MEF2A: variants seen among roughly 807,000 people sequenced by gnomAD.
MEF2A encodes the protein myocyte-specific enhancer factor 2A.
In MEF2A, 28 loss-of-function variants were observed where a neutral mutation model predicts 55.8. The ratio of observed to expected loss-of-function variants is 0.50; its 90% CI spans 0.37 to 0.69. MEF2A has a LOEUF of 0.69. MEF2A is among the 30% of genes least tolerant of loss of function. The probability of loss-of-function intolerance (pLI) is 0.00; values close to 1 mark genes in which losing one functional copy is unlikely to be tolerated. For missense variants in MEF2A, 528 were observed against 626.2 expected (o/e 0.84, Z 1.67); for synonymous variants, 239 against 227.1 (o/e 1.05, Z -0.47).
chr15:99,601,895 T>G (rs1375981402), intron 2 of MEF2A, among the ~76,000 whole-genome samples: 1 of 151,498 alleles, frequency 6.6e-6, no homozygotes, highest in Non-Finnish European at 1.5e-5. Context: ...TTAAAATTTC[T>G]TGTTCTTGAA....
intron 3 of MEF2A, among the ~76,000 whole-genome samples, chr15:99,640,163 C>T (rs2044618709): frequency 1.3e-5 from 2 of 152,128 alleles, no homozygotes; most frequent in Admixed American, 1.3e-4. Context: ...CTCCATATAT[C>T]TTTCAGATAA....
intron 2 of MEF2A, among the ~76,000 whole-genome samples, chr15:99,621,805 A>G (rs2041229782): frequency 6.6e-6 from 1 of 152,142 alleles, no homozygotes; most frequent in African/African-American, 2.4e-5. Context: ...TTCTTAAAGG[A>G]GTTCAGTTGT....
intron 7 of MEF2A, among the ~76,000 whole-genome samples, chr15:99,689,118 A>T (rs1223413208): frequency 6.6e-6 from 1 of 152,198 alleles, no homozygotes; most frequent in Admixed American, 6.5e-5. Flanking sequence ...CACAATGTGC[A>T]TTTTTCCTCA....
At chr15:99,662,051 A>T (rs2048742934) in intron 4 of MEF2A, among the ~76,000 whole-genome samples, 2 of 152,232 alleles carry the variant, frequency 1.3e-5, no homozygotes, top group African/African-American at 4.8e-5. Flanking sequence ...ATCATTCACA[A>T]ATAGGCATAG....
intron 10 of MEF2A, among the ~76,000 whole-genome samples, chr15:99,710,374 C>G (rs2058500188): frequency 6.6e-6 from 1 of 152,206 alleles, no homozygotes; most frequent in African/African-American, 2.4e-5. Context: ...TCCCAAGTAG[C>G]TGGGACTACA....
At chr15:99,672,381 G>A (rs2051059546) in intron 5 of MEF2A, among the ~76,000 whole-genome samples, 1 of 152,210 alleles carries the variant, frequency 6.6e-6, no homozygotes, top group East Asian at 1.9e-4. Context: ...CATAGTGAAA[G>A]AGTATTTTTC....
At chr15:99,571,218 T>A (rs531402363) in intron 1 of MEF2A, among the ~76,000 whole-genome samples, 1 of 152,006 alleles carries the variant, frequency 6.6e-6, no homozygotes, top group African/African-American at 2.4e-5. Context: ...AACAACAGAC[T>A]TCCCATCCTA....
chr15:99,629,377 A>C (rs2153382027), intron 2 of MEF2A, among the ~76,000 whole-genome samples: 1 of 152,368 alleles, frequency 6.6e-6, no homozygotes, highest in South Asian at 2.1e-4. Context: ...ACAAAGGGGC[A>C]CGAGAGCCTT....
intron 4 of MEF2A, among the ~76,000 whole-genome samples, chr15:99,658,853 C>G (rs1368171611): frequency 6.6e-6 from 1 of 152,086 alleles, no homozygotes; most frequent in East Asian, 1.9e-4. Context: ...TACAATCAAA[C>G]CATCTACTGC....
chr15:99,615,791 G>A (rs558141775), intron 2 of MEF2A, among the ~76,000 whole-genome samples: 1 of 152,270 alleles, frequency 6.6e-6, no homozygotes, highest in South Asian at 2.1e-4. Context: ...TGGAAGACCT[G>A]TGTATACTAC....
intron 1 of MEF2A, among the ~76,000 whole-genome samples, chr15:99,581,270 C>T (rs886510616): frequency 1.3e-5 from 2 of 152,102 alleles, no homozygotes; most frequent in African/African-American, 4.8e-5. Flanking sequence ...TGGCTTTTAA[C>T]ATCAGAATTC....
intron 4 of MEF2A, chr15:99,657,563 A>G (rs1301672500): frequency 6.6e-6 from 1 of 152,120 alleles, no homozygotes; most frequent in East Asian, 1.9e-4. Context: ...GTAAAAAAGT[A>G]TTTAAAGTTC....
intron 4 of MEF2A, among the ~76,000 whole-genome samples, chr15:99,667,216 TTTTATTTA>T (rs370754403): frequency 7.9e-5 from 12 of 151,934 alleles, no homozygotes; most frequent in African/African-American, 2.7e-4. Flanking sequence ...GGTTTTTGGT[TTTTATTTA>T]TTTATTTATT....
At chr15:99,711,048 C>T (rs1486467776) in intron 11 of MEF2A, among the ~76,000 whole-genome samples, 3 of 152,180 alleles carry the variant, frequency 2.0e-5, no homozygotes, top group African/African-American at 7.2e-5. Flanking sequence ...GGTCTGAAGG[C>T]ACAGATACCA....
chr15:99,698,316 TAAAAC>T (rs1341507378), intron 8 of MEF2A, among the ~76,000 whole-genome samples: 3 of 152,154 alleles, frequency 2.0e-5, no homozygotes, highest in Non-Finnish European at 4.4e-5. Flanking sequence ...TAAGAATTCT[TAAAAC>T]CCAACAGTAA....
At chr15:99,565,767 C>T (rs1406468130), upstream of MEF2A, 1 of 152,360 alleles carries the variant, frequency 6.6e-6, no homozygotes, top group Non-Finnish European at 1.5e-5. Flanking sequence ...TTTGCCCTAC[C>T]CTTGTCTTTC....
Position 99,712,239 on chromosome 15 carries a change from A to T in MEF2A, c.1137-151A>T. 7.6e-7 allele frequency: 1 copy of T among 1,315,890 alleles called. No individual in the cohort carries two copies. Among genetic ancestry groups the T allele is most frequent in the Non-Finnish European group, 1.0e-6 (1 of 995,246 alleles). 81.5% of individuals were successfully genotyped at this position (1,315,890 alleles called of 1,614,324 possible). On this transcript the variant is annotated intron_variant, in intron 11 of 11. Coordinates refer to ENST00000557942, the MANE Select transcript of MEF2A (RefSeq NM_001319206.4). The surrounding 1 kb of genome is among the most constrained non-coding windows in gnomAD (Gnocchi z 4.1). ...GATGGGATTTCCTTTTGTGCCAAGC[A>T]CTGAAGGAAACGACCCAAACCAGTC...
rs1042162865 is a variant in MEF2A, at chr15:99,662,058, A to G, written c.259-9265A>G. On this transcript the variant is annotated intron_variant, in intron 4 of 11. Transcript: ENST00000557942. ...ATTTACATATCATTCACAAATAGGC[A>G]TAGCTAAATTATATTTTTAGGGATA... is the stretch of plus-strand genomic sequence containing the variant. Among the ~76,000 whole-genome samples the G allele has an allele frequency of 3.3e-5, 5 of 152,342 alleles. No individual in the cohort carries two copies. The East Asian group carries it at 9.6e-4, about 29-fold the overall frequency.
chr15:99,671,555 C>T (rs1427152813), intron 5 of MEF2A, 101 bp downstream of exon 5: 2 of 1,612,978 alleles, frequency 1.2e-6, no homozygotes, highest in South Asian at 1.1e-5. Context: ...GGTGCGACAG[C>T]CCAGACCCTG....
Sources: allele counts gnomAD v4.1 joint callset (sites outside exome capture counted in the v4.1 genomes callset), GRCh38; gene constraint gnomAD v4.1.1; non-coding constraint Gnocchi (gnomAD v3.1); transcripts MANE v1.5; gene names NCBI Gene and HGNC (gene_info 2026-07-23, HGNC 2026-07-21).